LRGUK: variants seen among roughly 807,000 people sequenced by gnomAD.
LRGUK encodes leucine rich repeats and guanylate kinase domain containing.
In LRGUK, 65 loss-of-function variants were observed where a neutral mutation model predicts 76.0. That is an observed-to-expected ratio of 0.85 (90% CI 0.70 to 1.05). The LOEUF (loss-of-function observed/expected upper bound fraction) is 1.05. Among genes scored for constraint, LRGUK ranks in the 50% least tolerant of loss-of-function variants. The pLI is 0.00. For missense variants in LRGUK, 758 were observed against 732.8 expected (o/e 1.03, Z -0.40); for synonymous variants, 268 against 265.6 (o/e 1.01, Z -0.09).
At chr7:134,137,712 GC>G (rs748860002) in intron 2 of LRGUK, among the ~76,000 whole-genome samples, 22 of 152,308 alleles carry the variant, frequency 1.4e-4, no homozygotes, top group Admixed American at 4.6e-4. Flanking sequence ...GGCTGTAAGA[GC>G]AAACTACTGG....
intron 11 of LRGUK, among the ~76,000 whole-genome samples, chr7:134,186,124 C>A (rs1799971982): frequency 6.6e-6 from 1 of 152,216 alleles, no homozygotes; most frequent in African/African-American, 2.4e-5. Context: ...CCTTTCACAT[C>A]TCTGATACCA....
chr7:134,198,064 T>C (rs1232046403), intron 13 of LRGUK, among the ~76,000 whole-genome samples: 1 of 135,136 alleles, frequency 7.4e-6, no homozygotes, highest in East Asian at 2.0e-4. Context: ...CAATTCCCTT[T>C]TGGCTCTTTG....
At chr7:134,164,310 A>C (rs2116937571) in intron 7 of LRGUK, among the ~76,000 whole-genome samples, 1 of 152,304 alleles carries the variant, frequency 6.6e-6, no homozygotes, top group African/African-American at 2.4e-5. Flanking sequence ...CTCAAAAATA[A>C]AATAAAGAGA....
At chr7:134,175,193 G>T (rs1181101703) in intron 8 of LRGUK, among the ~76,000 whole-genome samples, 1 of 152,114 alleles carries the variant, frequency 6.6e-6, no homozygotes, top group Non-Finnish European at 1.5e-5. Flanking sequence ...AGTGTTTCAA[G>T]TCCTTCTCTT....
rs7804739 is a variant in LRGUK, at chr7:134,161,045, A to G, written c.796-2352A>G. The stretch of plus-strand genomic sequence containing the variant: ...TAATTAAACTTGTCTATGCCTCACT[A>G]TTCTCATGTCATCTACCACTTTGAA... On this transcript the variant is annotated intron_variant, in intron 6 of 15. Transcript: ENST00000645682. 1.8e-4 allele frequency among the ~76,000 whole-genome samples: 28 copies of G among 152,056 alleles called. 1 individual carries two copies. The highest frequency in any genetic ancestry group is 6.5e-4 in the African/African-American group (27 of 41,482).
intron 11 of LRGUK, among the ~76,000 whole-genome samples, chr7:134,186,573 G>T (rs1031702861): frequency 1.8e-4 from 27 of 152,238 alleles, no homozygotes; most frequent in African/African-American, 5.8e-4. Context: ...ATAAATGACT[G>T]TAATAAGAAG....
At position 134,251,529 on chromosome 7, in the gene LRGUK, C is replaced by T. The variant is rs139097059; in HGVS notation, c.2198+2453C>T. Among the ~76,000 whole-genome samples, 882 of 152,182 alleles carry T rather than the reference C, an allele frequency of 5.8e-3. 11 individuals are homozygous for T. The highest frequency in any genetic ancestry group is 0.02 in the African/African-American group (816 of 41,530). ...GTTCATGGTATCTTGTTATGGCAGC[C>T]GGAGCAAACTAATACGACCTGTATA... On this transcript the variant is annotated intron_variant, in intron 18 of 19. Coordinates refer to the LRGUK transcript ENST00000285928.
chr7:134,210,393 A>G (rs568153626), downstream of LRGUK: 108 of 397,470 alleles, frequency 2.7e-4, 3 homozygotes, highest in South Asian at 0.014. Flanking sequence ...TAAAAAAAAC[A>G]TAATTCCAGG....
downstream of LRGUK, among the ~76,000 whole-genome samples, chr7:134,211,457 A>G (rs1801267180): frequency 1.3e-5 from 2 of 152,242 alleles, no homozygotes. Flanking sequence ...AGACAGGAAG[A>G]CTTTGCTGTT....
intron 15 of LRGUK, among the ~76,000 whole-genome samples, chr7:134,202,425 G>A (rs1273724777): frequency 1.3e-5 from 2 of 152,078 alleles, no homozygotes; most frequent in Non-Finnish European, 2.9e-5. Context: ...GTGGGAAACA[G>A]TATGGAGGTT....
At chr7:134,157,270 T>G (rs1285401664) in intron 5 of LRGUK, among the ~76,000 whole-genome samples, 2 of 152,212 alleles carry the variant, frequency 1.3e-5, no homozygotes, top group African/African-American at 4.8e-5. Flanking sequence ...GGTATTGGTC[T>G]TTGGACCACC....
chr7:134,150,780 T>A (rs1381078579), intron 5 of LRGUK, among the ~76,000 whole-genome samples: 2 of 152,162 alleles, frequency 1.3e-5, no homozygotes, highest in African/African-American at 4.8e-5. Context: ...AAAACTAAAG[T>A]ATCATGACTT....
At chr7:134,274,175 T>G in the LRGUK span, among the ~76,000 whole-genome samples, 1 of 152,212 alleles carries the variant, frequency 6.6e-6, no homozygotes, top group Non-Finnish European at 1.5e-5. Flanking sequence ...AAATGAACTT[T>G]TCATTTTAAT....
chr7:134,221,099 T>A (rs979305697), intron 15 of LRGUK, among the ~76,000 whole-genome samples: 1 of 152,186 alleles, frequency 6.6e-6, no homozygotes, highest in African/African-American at 2.4e-5. Context: ...ATTTTTTTCA[T>A]CTTTGGGTGG....
chr7:134,199,547 C>A, intron 14 of LRGUK, 126 bp downstream of exon 14: 1 of 735,716 alleles, frequency 1.4e-6, no homozygotes, highest in Non-Finnish European at 2.2e-6. Context: ...CAAAGAGCTG[C>A]GAAAAGGGGT....
At position 134,174,645 on chromosome 7, in the gene LRGUK, T is replaced by A. The variant is rs1470972196; in HGVS notation, c.1020+9T>A. ...TAGAAAATCCAATTCAGGTGAGACATTATTTATATCAGGGAGGGAGACAGA... is the reference window on the plus strand; with the variant it reads ...TAGAAAATCCAATTCAGGTGAGACAATATTTATATCAGGGAGGGAGACAGA... On this transcript the variant is annotated intron_variant, in intron 8 of 15. Transcript: ENST00000645682. The A allele has an allele frequency of 6.7e-7, 1 of 1,501,594 alleles. No individual in the cohort carries two copies. The highest frequency in any genetic ancestry group is 2.3e-5 in the East Asian group (1 of 44,314). The allele number at this position is 1,501,594 out of a possible 1,614,324, so 93.0% of individuals were successfully genotyped here. A position where few individuals can be genotyped will look rare whatever the true frequency, so the allele number is the denominator to read the frequency against.
intron 16 of LRGUK, among the ~76,000 whole-genome samples, chr7:134,236,766 A>G (rs1024141955): frequency 6.6e-6 from 1 of 152,210 alleles, no homozygotes; most frequent in African/African-American, 2.4e-5. Context: ...TGAACAGTTT[A>G]TCAGGTACTG....
chr7:134,190,810 G>T (rs539160125), intron 11 of LRGUK, among the ~76,000 whole-genome samples: 1 of 83,126 alleles, frequency 1.2e-5, no homozygotes, highest in Non-Finnish European at 2.9e-5. Flanking sequence ...ATAAGACATG[G>T]TCCTCCCCTT....
chr7:134,258,211 G>C, intron 18 of LRGUK, 46 bp from the exon 19 acceptor site: 1 of 1,611,344 alleles, frequency 6.2e-7, no homozygotes, highest in Non-Finnish European at 8.5e-7. Flanking sequence ...CATTAGTAGC[G>C]AATAGTTTGG....
Sources: gnomAD v4.1 joint callset for allele counts (sites outside exome capture counted in the v4.1 genomes callset) on GRCh38, gnomAD v4.1.1 for gene constraint, MANE v1.5 for transcripts, NCBI Gene and HGNC (gene_info 2026-07-23, HGNC 2026-07-21) for gene names.